MCC: variants seen among roughly 807,000 people sequenced by gnomAD.
MCC encodes MCC regulator of Wnt signaling pathway.
A neutral mutation model predicts 116.2 loss-of-function variants in MCC; 90 were observed. That is an observed-to-expected ratio of 0.77 (90% CI 0.65 to 0.92). The LOEUF is 0.92. MCC is among the 40% of genes least tolerant of loss of function. The pLI is 0.00. For missense variants in MCC, 1,516 were observed against 1,312.2 expected (o/e 1.16, Z -2.40); for synonymous variants, 578 against 510.5 (o/e 1.13, Z -1.78).
chr5:113,250,410 T>A (rs1764751573), intron 3 of MCC, among the ~76,000 whole-genome samples: 1 of 152,206 alleles, frequency 6.6e-6, no homozygotes. Context: ...TGCTCAAAGG[T>A]CACGTAACAT....
At chr5:113,468,629 T>C (rs1771983098) in intron 1 of MCC, among the ~76,000 whole-genome samples, 1 of 152,214 alleles carries the variant, frequency 6.6e-6, no homozygotes, top group Non-Finnish European at 1.5e-5. Flanking sequence ...TCAAGGATAT[T>C]GGTCTAAAAT....
rs146784378 is a variant in MCC at position 113,135,953 on chromosome 5, G to A, written c.884+7265C>T. Among the ~76,000 whole-genome samples the A allele has an allele frequency of 1.4e-4, 22 of 152,228 alleles. No individual in the cohort carries two copies. The East Asian group carries it at 3.3e-3, about 23-fold the overall frequency. ...CTAGCTACTCAGGAGGGGGAGGCAC[G>A]AGAATCACTTGAACTCAGGAGGCAG... On this transcript the variant is annotated intron_variant, in intron 5 of 18. Coordinates refer to ENST00000408903, the MANE Select transcript of MCC (RefSeq NM_001085377.2).
At chr5:113,462,581 C>A (rs777480053) in intron 1 of MCC, among the ~76,000 whole-genome samples, 8 of 152,140 alleles carry the variant, frequency 5.3e-5, no homozygotes, top group Admixed American at 1.3e-4. Context: ...CAGATTCCGA[C>A]AATGTGAGAA....
At chr5:113,402,665 C>G (rs766418061) in intron 1 of MCC, among the ~76,000 whole-genome samples, 7 of 152,092 alleles carry the variant, frequency 4.6e-5, no homozygotes, top group Non-Finnish European at 8.8e-5. Flanking sequence ...TCTTATTCTA[C>G]TCACTCTCTC....
intron 5 of MCC, among the ~76,000 whole-genome samples, chr5:113,131,089 C>A (rs1003212985): frequency 6.6e-6 from 1 of 152,146 alleles, no homozygotes; most frequent in Non-Finnish European, 1.5e-5. Context: ...AGATGCCACA[C>A]AGCAGCAGTG....
chr5:113,363,878 T>A (rs939235081), intron 2 of MCC, among the ~76,000 whole-genome samples: 1 of 152,110 alleles, frequency 6.6e-6, no homozygotes. Flanking sequence ...ACATCCAAGA[T>A]ACAATGGTAG....
At chr5:113,448,702 TTCTC>T (rs1198323504) in intron 1 of MCC, among the ~76,000 whole-genome samples, 1 of 152,248 alleles carries the variant, frequency 6.6e-6, no homozygotes, top group Non-Finnish European at 1.5e-5. Context: ...TAAGATTTTC[TTCTC>T]TAATATTTTT....
At chr5:113,419,311 T>C (rs1297996955) in intron 1 of MCC, among the ~76,000 whole-genome samples, 2 of 151,798 alleles carry the variant, frequency 1.3e-5, no homozygotes, top group Admixed American at 6.6e-5. Flanking sequence ...GCTGGGACCA[T>C]AGGTGCATGC....
intron 6 of MCC, among the ~76,000 whole-genome samples, chr5:113,116,345 C>G (rs1022230902): frequency 6.6e-6 from 1 of 152,114 alleles, no homozygotes; most frequent in Non-Finnish European, 1.5e-5. Context: ...AGCAAGGTCC[C>G]GAAGTTATTT....
chr5:113,218,431 G>C (rs1029023308), intron 3 of MCC, among the ~76,000 whole-genome samples: 1 of 152,096 alleles, frequency 6.6e-6, no homozygotes, highest in African/African-American at 2.4e-5. Flanking sequence ...TCTCCTCCTT[G>C]TTCCTGACAT....
chr5:113,409,707 T>C lies in MCC; in HGVS notation c.171-24495A>G, dbSNP rs1332609559. Among the ~76,000 whole-genome samples the C allele has an allele frequency of 3.3e-5, 5 of 152,144 alleles. No individual in the cohort carries two copies. The East Asian group carries it at 5.8e-4, about 18-fold the overall frequency. On this transcript the variant is annotated intron_variant, in intron 1 of 18. Transcript: ENST00000408903. ...AGGATAATTCTTACCAATTAAGATT[T>C]AGTAATTTTAAAGAAAAATAAGAAT...
intron 3 of MCC, among the ~76,000 whole-genome samples, chr5:113,300,603 T>G (rs1247014840): frequency 6.6e-6 from 1 of 152,136 alleles, no homozygotes; most frequent in East Asian, 1.9e-4. Flanking sequence ...ACTCAGGAAG[T>G]CTCAGTCCTT....
intron 1 of MCC, among the ~76,000 whole-genome samples, chr5:113,486,668 C>G (rs1027448010): frequency 1.3e-5 from 2 of 151,980 alleles, no homozygotes; most frequent in African/African-American, 4.8e-5. Flanking sequence ...AATTGTGAAG[C>G]CCCTTCTCTA....
chr5:113,460,991 A>T (rs1287655208), intron 1 of MCC, among the ~76,000 whole-genome samples: 1 of 152,210 alleles, frequency 6.6e-6, no homozygotes, highest in Non-Finnish European at 1.5e-5. Context: ...TAAGCCAAGC[A>T]CTCTTAAAAA....
intron 13 of MCC, among the ~76,000 whole-genome samples, chr5:113,067,729 C>T (rs1248369848): frequency 1.3e-5 from 2 of 152,266 alleles, no homozygotes; most frequent in East Asian, 3.8e-4. Context: ...GGCCATGTGG[C>T]GGCAGCATGT....
At chr5:113,170,150 T>C (rs922444742) in intron 3 of MCC, among the ~76,000 whole-genome samples, 3 of 152,220 alleles carry the variant, frequency 2.0e-5, no homozygotes, top group Non-Finnish European at 4.4e-5. Context: ...CTGGTCTTCA[T>C]AGAAAGAAGC....
intron 3 of MCC, among the ~76,000 whole-genome samples, chr5:113,294,009 T>A (rs1766614615): frequency 6.6e-6 from 1 of 152,140 alleles, no homozygotes; most frequent in African/African-American, 2.4e-5. Context: ...AAAGGGTGTA[T>A]ATAAATTAGT....
At chr5:113,121,682 T>C (rs987626814) in intron 6 of MCC, among the ~76,000 whole-genome samples, 4 of 152,208 alleles carry the variant, frequency 2.6e-5, no homozygotes, top group African/African-American at 7.2e-5. Context: ...TAATATTTGA[T>C]TAAAATCCCT....
intron 17 of MCC, among the ~76,000 whole-genome samples, chr5:113,040,048 C>T (rs918772954): frequency 9.9e-5 from 15 of 151,468 alleles, no homozygotes; most frequent in African/African-American, 3.2e-4. Flanking sequence ...GAAAACATCT[C>T]GTGTGCCAGA....
Sources: allele counts gnomAD v4.1 joint callset (sites outside exome capture counted in the v4.1 genomes callset), GRCh38; gene constraint gnomAD v4.1.1; transcripts MANE v1.5; gene names NCBI Gene and HGNC (gene_info 2026-07-23, HGNC 2026-07-21).